Variants in CDK14 observed in about 807,000 individuals in gnomAD.
CDK14 encodes the protein cyclin dependent kinase 14, also known as cyclin-dependent kinase 14.
A neutral mutation model predicts 60.7 loss-of-function variants in CDK14; 34 were observed. The ratio of observed to expected loss-of-function variants is 0.56; its 90% CI spans 0.43 to 0.75. CDK14 has a LOEUF of 0.75. Among genes scored for constraint, CDK14 ranks in the 30% least tolerant of loss-of-function variants. CDK14 has a pLI of 0.00. For missense variants in CDK14, 482 were observed against 564.1 expected, an observed-to-expected ratio of 0.85 and a Z score of 1.47; for synonymous variants, 197 against 203.7, an observed-to-expected ratio of 0.97 and a Z score of 0.28.
chr7:91,022,120 C>T (rs1262637535), intron 10 of CDK14, among the ~76,000 whole-genome samples: 1 of 152,190 alleles, frequency 6.6e-6, no homozygotes, highest in East Asian at 1.9e-4. Flanking sequence ...TCCTCCTCCA[C>T]CAGGCAGGAA....
At chr7:90,760,588 C>T (rs1454778880) in intron 4 of CDK14, among the ~76,000 whole-genome samples, 1 of 152,160 alleles carries the variant, frequency 6.6e-6, no homozygotes, top group Non-Finnish European at 1.5e-5. Context: ...CTTAGGTCTG[C>T]TCTGACTTCT....
intron 10 of CDK14, among the ~76,000 whole-genome samples, chr7:91,036,168 T>C (rs1796929165): frequency 6.6e-6 from 1 of 152,174 alleles, no homozygotes; most frequent in South Asian, 2.1e-4. Flanking sequence ...AAGGCTGTAA[T>C]CAAGGTATCA....
chr7:90,709,890 A>G (rs80217240), intron 2 of CDK14: 15 of 1,303,318 alleles, frequency 1.2e-5, no homozygotes, highest in East Asian at 7.0e-5. Flanking sequence ...GCCTGGTGCA[A>G]ACACATTGCT....
chr7:91,149,702 G>A (rs1318290696), intron 14 of CDK14, among the ~76,000 whole-genome samples: 1 of 152,194 alleles, frequency 6.6e-6, no homozygotes, highest in African/African-American at 2.4e-5. Context: ...TAGCACACAT[G>A]TTGGTTTCAT....
At chr7:90,918,336 A>G (rs1277684684) in intron 8 of CDK14, among the ~76,000 whole-genome samples, 2 of 152,210 alleles carry the variant, frequency 1.3e-5, no homozygotes, top group African/African-American at 4.8e-5. Context: ...TTACTATTTA[A>G]AAGTTGAGGT....
intron 6 of CDK14, among the ~76,000 whole-genome samples, chr7:90,898,815 A>AT (rs1419215265): frequency 7.2e-5 from 11 of 152,036 alleles, no homozygotes; most frequent in Non-Finnish European, 1.5e-4. Flanking sequence ...CCTGAAAATT[A>AT]TTTTTTCTGA....
chr7:91,112,754 G>A, intron 13 of CDK14, 73 bp downstream of exon 13: 1 of 1,472,402 alleles, frequency 6.8e-7, no homozygotes, highest in Non-Finnish European at 9.4e-7. Context: ...TATGTAACGT[G>A]TATGCAGAGA....
In CDK14 at chr7:90,649,315, TCC is replaced by T. The variant is rs1208131066; in HGVS notation, c.123+45067_123+45068del. 3.7e-4 allele frequency among the ~76,000 whole-genome samples: 13 copies of T among 35,274 alleles called. 1 individual carries two copies. Among genetic ancestry groups the T allele is most frequent in the African/African-American group, 2.2e-3 (13 of 5,898 alleles). The allele number at this position is 35,274 out of a possible 152,430, so 23.1% of individuals were successfully genotyped here. A position where few individuals can be genotyped will look rare whatever the true frequency, so the allele number is the denominator to read the frequency against. ...TTCTTTCTTTCTTTCTTTCTTTCCT[TCC>T]TTCCTTCCTTCCTTCCTTCCTTCCT... On this transcript the variant is annotated intron_variant, in intron 2 of 14. Transcript: ENST00000380050.
intron 2 of CDK14, among the ~76,000 whole-genome samples, chr7:90,693,374 G>A (rs1584797307): frequency 6.6e-6 from 1 of 152,174 alleles, no homozygotes; most frequent in East Asian, 1.9e-4. Context: ...AGCTTGCCAA[G>A]GTTAGCACCT....
At chr7:90,946,813 G>T (rs1584153913) in intron 8 of CDK14, among the ~76,000 whole-genome samples, 2 of 152,198 alleles carry the variant, frequency 1.3e-5, no homozygotes, top group African/African-American at 4.8e-5. Context: ...ACAAAAAACT[G>T]TCCTTAGGAT....
chr7:90,811,017 A>G (rs1430813168), intron 5 of CDK14, among the ~76,000 whole-genome samples: 5 of 152,370 alleles, frequency 3.3e-5, no homozygotes, highest in East Asian at 1.9e-4. Flanking sequence ...GGAAGAATCA[A>G]TATCGTGAGA....
chr7:90,808,701 T>C (rs1308842427), intron 5 of CDK14, among the ~76,000 whole-genome samples: 1 of 152,156 alleles, frequency 6.6e-6, no homozygotes, highest in Admixed American at 6.5e-5. Context: ...GACCCATCAG[T>C]GTGCTATATT....
At chr7:90,734,804 T>C (rs1803019969) in intron 3 of CDK14, among the ~76,000 whole-genome samples, 1 of 152,206 alleles carries the variant, frequency 6.6e-6, no homozygotes, top group Non-Finnish European at 1.5e-5. Context: ...TTCTGAAGCC[T>C]ACCTCTGTCA....
At chr7:90,686,029 TAACA>T (rs982603896) in intron 2 of CDK14, among the ~76,000 whole-genome samples, 8 of 152,178 alleles carry the variant, frequency 5.3e-5, no homozygotes, top group African/African-American at 1.9e-4. Flanking sequence ...ATATTGAGTT[TAACA>T]AACAGCGCAG....
At chr7:90,953,939 A>T (rs887756993) in intron 8 of CDK14, among the ~76,000 whole-genome samples, 1 of 152,180 alleles carries the variant, frequency 6.6e-6, no homozygotes, top group Admixed American at 6.6e-5. Flanking sequence ...GCCTGAATTA[A>T]TGTAGGATAA....
chr7:91,197,372 C>T (rs922004622), intron 14 of CDK14, among the ~76,000 whole-genome samples: 2 of 149,618 alleles, frequency 1.3e-5, no homozygotes, highest in African/African-American at 2.5e-5. Flanking sequence ...TGAACTCTGG[C>T]CTTGGCAACA....
chr7:91,065,673 T>C (rs968655938), intron 11 of CDK14, among the ~76,000 whole-genome samples: 4 of 152,320 alleles, frequency 2.6e-5, no homozygotes, highest in South Asian at 2.1e-4. Flanking sequence ...TGAATACTTG[T>C]GAGTGTAGCT....
rs1299731501 is a variant in CDK14 at position 90,596,684 on chromosome 7, G to C, written c.57G>C (p.Leu19Phe). 6.2e-7 allele frequency: 1 copy of C among 1,611,934 alleles called. No homozygotes were observed. Among genetic ancestry groups the C allele is most frequent in the Non-Finnish European group, 8.5e-7 (1 of 1,179,240 alleles). ...AGAAGATCGGCAAGATGAAGAAGTT[G>C]CGGAGAACTTTGTCGGAGAGTTTCA... ...PAEKIGKMKK[L>F]RRTLSESFSR... Residue 19 changes from leucine to phenylalanine, a missense_variant, in exon 1 of 15, where the codon TTG becomes TTC. By Grantham distance (22) the Leu-to-Phe change is conservative (BLOSUM62 0). Coordinates refer to ENST00000380050, the MANE Select transcript of CDK14 (RefSeq NM_001287135.2).
intron 2 of CDK14, among the ~76,000 whole-genome samples, chr7:90,614,006 C>CTTT (rs34900577): frequency 0.01 from 1,309 of 130,790 alleles, 37 homozygotes; most frequent in African/African-American, 0.03. Flanking sequence ...GTCCCAAACA[C>CTTT]TTTTTTTTTT....
Sources: gnomAD v4.1 joint callset for allele counts (sites outside exome capture counted in the v4.1 genomes callset) on GRCh38, gnomAD v4.1.1 for gene constraint, MANE v1.5 for transcripts, NCBI Gene and HGNC (gene_info 2026-07-23, HGNC 2026-07-21) for gene names.